The following TEX11 variants were observed in gnomAD, a reference collection of about 807,000 sequenced individuals.
The protein encoded by TEX11 is testis-expressed protein 11.
TEX11 carries 7 observed loss-of-function variants against 84.4 expected under a neutral mutation model. The ratio of observed to expected loss-of-function variants is 0.08; its 90% confidence interval spans 0.05 to 0.16. The LOEUF (loss-of-function observed/expected upper bound fraction) is 0.16. Ranked by LOEUF, TEX11 falls within the 10% of genes least tolerant of loss-of-function variation. TEX11 has a pLI of 1.00. For synonymous variants in TEX11, 264 were observed against 222.8 expected, an observed-to-expected ratio of 1.18 and a Z score of -1.64; for missense variants, 551 against 660.5, an observed-to-expected ratio of 0.83 and a Z score of 1.82.
intron 9 of TEX11, among the ~76,000 whole-genome samples, chrX:70,772,142 C>T (rs1039226696): frequency 1.2e-4 from 13 of 111,953 alleles, no homozygotes; most frequent in African/African-American, 4.2e-4. Flanking sequence ...TGCCCATGGT[C>T]TTCATGAGAT....
chrX:70,890,658 G>A (rs920719159), intron 2 of TEX11, among the ~76,000 whole-genome samples: 11 of 112,280 alleles, frequency 9.8e-5, no homozygotes, highest in Non-Finnish European at 2.1e-4. Flanking sequence ...GGGGAGGGGG[G>A]TCTGCCATTG....
intron 8 of TEX11, among the ~76,000 whole-genome samples, chrX:70,824,669 T>C (rs899934745): frequency 9.2e-6 from 1 of 108,504 alleles, no homozygotes; most frequent in African/African-American, 3.3e-5. Context: ...AAGAAGATCA[T>C]AGAGAGAGAG....
At chrX:70,744,270 A>C (rs1339977388) in intron 9 of TEX11, 51 bp from the exon 10 acceptor site, 1 of 515,259 alleles carries the variant, frequency 1.9e-6, no homozygotes, top group South Asian at 8.0e-5. Flanking sequence ...ACATATATCC[A>C]TTTCAAATTA....
At chrX:70,565,307 T>G (rs1437305883) in intron 25 of TEX11, among the ~76,000 whole-genome samples, 1 of 108,983 alleles carries the variant, frequency 9.2e-6, no homozygotes, top group East Asian at 2.8e-4. Context: ...ATATTAGCCC[T>G]TTGTCAGATG....
chrX:70,704,542 TTTA>T (rs1235851515), intron 13 of TEX11, among the ~76,000 whole-genome samples: 4 of 111,782 alleles, frequency 3.6e-5, no homozygotes, highest in African/African-American at 1.3e-4. Context: ...ATCTTCATTC[TTTA>T]CTGTTCAAGT....
chrX:70,695,883 T>C lies in TEX11; in HGVS notation c.1005-13058A>G, dbSNP rs756783693. Among the ~76,000 whole-genome samples the C allele has an allele frequency of 1.0e-3, 113 of 111,984 alleles. 1 individual carries two copies. The highest frequency in any genetic ancestry group is 1.8e-3 in the Non-Finnish European group (95 of 53,226). ...AAACAAAGAGTATGTTTGCCAAATATAGCAAATTGTGAGAATTCACTATGT... is the reference window on the plus strand; with the variant it reads ...AAACAAAGAGTATGTTTGCCAAATACAGCAAATTGTGAGAATTCACTATGT... On this transcript the variant is annotated intron_variant, in intron 13 of 29. Transcript: ENST00000374333.
intron 8 of TEX11, among the ~76,000 whole-genome samples, chrX:70,810,803 T>C (rs1043522152): frequency 2.8e-5 from 3 of 108,490 alleles, no homozygotes; most frequent in African/African-American, 1.0e-4. Flanking sequence ...AAAAAAAAAG[T>C]AAACCCCATA....
At chrX:70,585,210 T>C (rs1308864983) in intron 25 of TEX11, among the ~76,000 whole-genome samples, 2 of 112,199 alleles carry the variant, frequency 1.8e-5, no homozygotes, top group African/African-American at 3.2e-5. Context: ...CAAAGATCAA[T>C]TGTGTTTCTA....
intron 8 of TEX11, among the ~76,000 whole-genome samples, chrX:70,810,332 A>G (rs1450172705): frequency 8.9e-6 from 1 of 112,279 alleles, no homozygotes; most frequent in Non-Finnish European, 1.9e-5. Flanking sequence ...TATCATAAAG[A>G]CACATACACA....
chrX:70,788,154 G>C (rs1035343487), intron 9 of TEX11, among the ~76,000 whole-genome samples: 22 of 111,567 alleles, frequency 2.0e-4, no homozygotes, highest in Non-Finnish European at 2.8e-4. Flanking sequence ...CATAGAAATG[G>C]GAAAACGACA....
intron 20 of TEX11, among the ~76,000 whole-genome samples, chrX:70,617,190 TCAGA>T (rs1391206093): frequency 9.2e-6 from 1 of 108,975 alleles, no homozygotes; most frequent in Non-Finnish European, 1.9e-5. Context: ...AGAAAACCTC[TCAGA>T]CAAAGAAAGT....
At chrX:70,798,997 A>G (rs750827457) in intron 9 of TEX11, among the ~76,000 whole-genome samples, 1 of 112,009 alleles carries the variant, frequency 8.9e-6, no homozygotes, top group Non-Finnish European at 1.9e-5. Flanking sequence ...ATGGAATTAC[A>G]TCTAACTAAA....
chrX:70,727,553 G>C (rs908750032), intron 11 of TEX11, among the ~76,000 whole-genome samples: 2 of 111,628 alleles, frequency 1.8e-5, no homozygotes, highest in Non-Finnish European at 3.8e-5. Flanking sequence ...TAATTCCCTT[G>C]CTTTTCTTTA....
intron 13 of TEX11, among the ~76,000 whole-genome samples, chrX:70,698,327 C>CA (rs1266700969): frequency 9.1e-6 from 1 of 110,383 alleles, no homozygotes; most frequent in Non-Finnish European, 1.9e-5. Flanking sequence ...TTATTTACCT[C>CA]AAAAAAATAG....
At chrX:70,651,695 G>A in intron 16 of TEX11, 143 bp from the exon 17 acceptor site, 1 of 391,677 alleles carries the variant, frequency 2.6e-6, no homozygotes, top group South Asian at 5.1e-5. Flanking sequence ...ATTTGCAGAA[G>A]TGCTCTTCTA....
At chrX:70,845,587 G>A (rs2091474918) in intron 7 of TEX11, among the ~76,000 whole-genome samples, 1 of 110,807 alleles carries the variant, frequency 9.0e-6, no homozygotes, top group African/African-American at 3.3e-5. Context: ...CAGCACTTTG[G>A]GAGGCTGAAG....
At chrX:70,515,523 A>T in the TEX11 span, among the ~76,000 whole-genome samples, 11 of 112,296 alleles carry the variant, frequency 9.8e-5, no homozygotes, top group South Asian at 4.1e-3. Context: ...TCTATCACTG[A>T]TGGACATTTG....
the TEX11 span, among the ~76,000 whole-genome samples, chrX:70,516,793 T>A: frequency 9.0e-6 from 1 of 110,970 alleles, no homozygotes; most frequent in Non-Finnish European, 1.9e-5. Flanking sequence ...CTCTTTTATT[T>A]CATTGAGCAG....
chrX:70,524,867 T>C (rs2087808594), downstream of TEX11, among the ~76,000 whole-genome samples: 1 of 112,277 alleles, frequency 8.9e-6, no homozygotes. Flanking sequence ...ACCCAGCCAA[T>C]TAGATGTTTT....
Sources: gnomAD v4.1 joint callset for allele counts (sites outside exome capture counted in the v4.1 genomes callset) on GRCh38, gnomAD v4.1.1 for gene constraint, MANE v1.5 for transcripts, NCBI Gene and HGNC (gene_info 2026-07-23, HGNC 2026-07-21) for gene names.